KCNIP4: variants seen among roughly 807,000 people sequenced by gnomAD.
KCNIP4 encodes the protein Kv channel-interacting protein 4.
A neutral mutation model predicts 34.0 loss-of-function variants in KCNIP4; 12 were observed. The observed-to-expected ratio is 0.35, with a 90% confidence interval of 0.23 to 0.57. The LOEUF (loss-of-function observed/expected upper bound fraction) is 0.57, where lower values mean the gene tolerates loss of function less well. Among genes scored for constraint, KCNIP4 ranks in the 20% least tolerant of loss-of-function variants. The pLI, the probability that KCNIP4 is intolerant of heterozygous loss-of-function variation, is 0.83. For synonymous variants in KCNIP4, 124 were observed against 102.2 expected, an observed-to-expected ratio of 1.21 and a Z score of -1.29; for missense variants, 238 against 311.7, an observed-to-expected ratio of 0.76 and a Z score of 1.78.
At chr4:21,742,317 G>T (rs1483270402) in intron 1 of KCNIP4, among the ~76,000 whole-genome samples, 1 of 152,094 alleles carries the variant, frequency 6.6e-6, no homozygotes, top group Non-Finnish European at 1.5e-5. Flanking sequence ...AATAGTCTGG[G>T]CTTATTGTCC....
chr4:21,318,816 T>A (rs1714068109), intron 1 of KCNIP4, among the ~76,000 whole-genome samples: 1 of 152,114 alleles, frequency 6.6e-6, no homozygotes, highest in African/African-American at 2.4e-5. Context: ...GTAAAAACCC[T>A]CTTGGGTTTT....
chr4:20,835,262 G>A (rs28625083), intron 3 of KCNIP4, among the ~76,000 whole-genome samples: 2,913 of 151,802 alleles, frequency 0.019, 82 homozygotes, highest in African/African-American at 0.06. Context: ...CAGCTTTACT[G>A]ATCCTCTAAA....
At chr4:21,397,082 G>T (rs993998933) in intron 1 of KCNIP4, among the ~76,000 whole-genome samples, 4 of 152,078 alleles carry the variant, frequency 2.6e-5, no homozygotes, top group African/African-American at 9.7e-5. Flanking sequence ...TGTTCTTTCA[G>T]AACCTATAGC....
intron 1 of KCNIP4, among the ~76,000 whole-genome samples, chr4:21,419,431 G>A (rs1725253874): frequency 6.6e-6 from 1 of 151,952 alleles, no homozygotes. Context: ...ATTGAGTTAG[G>A]GAGGCCAAAT....
rs542660902 is a variant in KCNIP4 at position 21,298,008 on chromosome 4, C to T, written c.62-415299G>A. 2.0e-5 allele frequency among the ~76,000 whole-genome samples: 3 copies of T among 152,278 alleles called. No homozygotes were observed. The South Asian group carries it at 6.2e-4, about 32-fold the overall frequency. Reference sequence around the variant, plus strand: ...ATATTGGAATTAATCTAGACTCCTTCATTTACTTCCTTGTGATCTTAAGCA... The same window carrying T: ...ATATTGGAATTAATCTAGACTCCTTTATTTACTTCCTTGTGATCTTAAGCA... On this transcript the variant is annotated intron_variant, in intron 1 of 8. Transcript: ENST00000382152.
intron 1 of KCNIP4, among the ~76,000 whole-genome samples, chr4:21,365,754 C>T (rs1246293983): frequency 6.6e-6 from 1 of 152,046 alleles, no homozygotes. Context: ...AGAAAATATA[C>T]AGATTAGCAA....
chr4:21,701,299 A>C (rs914241348), intron 1 of KCNIP4, among the ~76,000 whole-genome samples: 1 of 152,208 alleles, frequency 6.6e-6, no homozygotes, highest in Non-Finnish European at 1.5e-5. Context: ...AAAGGTTACA[A>C]AGTTTCAGCT....
intron 1 of KCNIP4, among the ~76,000 whole-genome samples, chr4:21,681,971 C>T (rs369839224): frequency 1.4e-4 from 22 of 152,152 alleles, no homozygotes; most frequent in African/African-American, 5.1e-4. Context: ...TCATCACAAC[C>T]TCTGCCTCTT....
chr4:21,609,275 T>A (rs938286877), intron 1 of KCNIP4, among the ~76,000 whole-genome samples: 1 of 152,192 alleles, frequency 6.6e-6, no homozygotes, highest in African/African-American at 2.4e-5. Flanking sequence ...TGTATGTATG[T>A]GTGTTTGAAT....
chr4:21,725,064 C>T (rs1175874210), intron 1 of KCNIP4, among the ~76,000 whole-genome samples: 6 of 152,084 alleles, frequency 3.9e-5, no homozygotes, highest in African/African-American at 9.7e-5. Flanking sequence ...TCTGACTTTG[C>T]GTCTAAACCT....
chr4:21,213,281 CT>C (rs952866792), intron 1 of KCNIP4, among the ~76,000 whole-genome samples: 2 of 151,922 alleles, frequency 1.3e-5, no homozygotes, highest in African/African-American at 4.8e-5. Context: ...TTCATTCTTT[CT>C]TTATTTTTAT....
At chr4:21,270,487 T>G (rs1372302018) in intron 1 of KCNIP4, among the ~76,000 whole-genome samples, 1 of 152,184 alleles carries the variant, frequency 6.6e-6, no homozygotes, top group East Asian at 1.9e-4. Flanking sequence ...CAAAATACTA[T>G]TAGATTTAAT....
rs1207020094 is a variant in KCNIP4 at position 21,500,641 on chromosome 4, T to G, written c.61+447930A>C. Reference sequence around the variant, plus strand: ...ATGTATGCAAAATAAACCTAGGAAATGAAGGGTACATTAGTGTTTTCTGTT... The same window carrying G: ...ATGTATGCAAAATAAACCTAGGAAAGGAAGGGTACATTAGTGTTTTCTGTT... On this transcript the variant is annotated intron_variant, in intron 1 of 8. Coordinates refer to ENST00000382152, the MANE Select transcript of KCNIP4 (RefSeq NM_025221.6). Among the ~76,000 whole-genome samples the G allele has an allele frequency of 3.9e-5, 6 of 152,302 alleles. 1 individual carries two copies. The highest frequency in any genetic ancestry group is 1.3e-4 in the Admixed American group (2 of 15,294).
At chr4:20,893,228 G>T (rs1179812916) in intron 1 of KCNIP4, among the ~76,000 whole-genome samples, 1 of 152,096 alleles carries the variant, frequency 6.6e-6, no homozygotes. Flanking sequence ...TTTAAAAAAT[G>T]GTGTTTTAAG....
chr4:21,540,846 G>A (rs1205133318), intron 1 of KCNIP4, among the ~76,000 whole-genome samples: 1 of 152,020 alleles, frequency 6.6e-6, no homozygotes, highest in African/African-American at 2.4e-5. Context: ...CTATTATTTA[G>A]AGTGTTTTAA....
At chr4:21,878,019 T>G (rs1182904321) in intron 1 of KCNIP4, among the ~76,000 whole-genome samples, 1 of 152,266 alleles carries the variant, frequency 6.6e-6, no homozygotes, top group East Asian at 1.9e-4. Flanking sequence ...AAACTTACAC[T>G]TTTGTATGTG....
In KCNIP4 at chr4:21,802,773, A is replaced by G. The variant is rs1305450974; in HGVS notation, c.61+145798T>C. On this transcript the variant is annotated intron_variant, in intron 1 of 8. Transcript: ENST00000382152. ...GCACAAAAATAAAGACACGGTTCCA[A>G]TAACATCTAAAAAAGATATCATACA... Among the ~76,000 whole-genome samples the G allele has an allele frequency of 5.3e-5, 8 of 152,202 alleles. 1 individual carries two copies.
chr4:21,857,489 C>G (rs1456220458), intron 1 of KCNIP4, among the ~76,000 whole-genome samples: 2 of 152,070 alleles, frequency 1.3e-5, no homozygotes, highest in African/African-American at 4.8e-5. Context: ...TAGACAGGAG[C>G]TACCCACCAG....
chr4:21,412,503 T>A (rs377126737), intron 1 of KCNIP4, among the ~76,000 whole-genome samples: 98 of 152,338 alleles, frequency 6.4e-4, no homozygotes, highest in African/African-American at 2.2e-3. Context: ...TTAATTGACT[T>A]GACTGTCTTC....
Sources: allele counts gnomAD v4.1 joint callset (sites outside exome capture counted in the v4.1 genomes callset), GRCh38; gene constraint gnomAD v4.1.1; transcripts MANE v1.5; gene names NCBI Gene and HGNC (gene_info 2026-07-23, HGNC 2026-07-21).